Variants in ZDHHC4 observed in about 807,000 individuals in gnomAD.
ZDHHC4 encodes zDHHC palmitoyltransferase 4.
ZDHHC4 carries 42 observed loss-of-function variants against 36.7 expected under a neutral mutation model. The ratio of observed to expected loss-of-function variants is 1.14; its 90% confidence interval spans 0.89 to 1.48. The LOEUF is 1.48. Ranked by LOEUF, ZDHHC4 falls within the 40% of genes most tolerant of loss-of-function variation. The pLI is 0.00. For synonymous variants in ZDHHC4, 189 were observed against 166.6 expected (o/e 1.13, Z -1.03); for missense variants, 457 against 421.5 (o/e 1.08, Z -0.74).
chr7:6,582,591 C>T (rs1342836181), intron 5 of ZDHHC4, among the ~76,000 whole-genome samples: 2 of 152,260 alleles, frequency 1.3e-5, no homozygotes, highest in African/African-American at 4.8e-5. Context: ...GATCTCAGCT[C>T]GCTGCAACCT....
intron 6 of ZDHHC4, 54 bp downstream of exon 6, chr7:6,583,485 T>C: frequency 6.4e-7 from 1 of 1,569,060 alleles, no homozygotes; most frequent in South Asian, 1.2e-5. Flanking sequence ...ATGTGTGGGC[T>C]TCGTCTGTGA....
intron 7 of ZDHHC4, 46 bp downstream of exon 7, chr7:6,585,306 A>G: frequency 1.9e-6 from 3 of 1,594,034 alleles, no homozygotes; most frequent in South Asian, 1.1e-5. Context: ...GAATCGCAAA[A>G]AAGACATTTA....
In ZDHHC4 at chr7:6,581,644, C is replaced by T; in HGVS notation, c.155C>T (p.Ala52Val). 2 of 1,611,694 alleles carry T rather than the reference C, an allele frequency of 1.2e-6. No individual in the cohort carries two copies. Among genetic ancestry groups the T allele is most frequent in the Non-Finnish European group, 1.7e-6 (2 of 1,178,120 alleles). Residue 52 changes from alanine (A) to valine (V), a missense_variant, in exon 4 of 8, where the codon GCC (alanine) becomes GTC (valine). Coordinates refer to ENST00000335965, the MANE Select transcript of ZDHHC4 (RefSeq NM_001134389.2). ...ATAATTCCAGAATGTCTTCAGAGAG[C>T]CGTGCATGGATTGCTTCATTACCTT... Reference protein sequence around the residue: ...SCIIPECLQRAVHGLLHYLFH... With the variant: ...SCIIPECLQRVVHGLLHYLFH...
intron 1 of ZDHHC4, 34 bp from the exon 2 acceptor site, chr7:6,578,532 C>G (rs1032681598): frequency 2.0e-5 from 3 of 152,228 alleles, no homozygotes; most frequent in Non-Finnish European, 4.4e-5. Flanking sequence ...CTCTTGTCGT[C>G]TTATGTGGGT....
Position 6,585,277 on chromosome 7 carries a change from T to C in ZDHHC4, c.741+17T>C. 6.2e-7 allele frequency: 1 copy of C among 1,600,518 alleles called. No homozygotes were observed. Among genetic ancestry groups the C allele is most frequent in the East Asian group, 2.2e-5 (1 of 44,618 alleles). On this transcript the variant is annotated intron_variant, in intron 7 of 7. Coordinates refer to ENST00000335965, the MANE Select transcript of ZDHHC4 (RefSeq NM_001134389.2). Reference sequence around the variant, plus strand: ...CTTATTCAGGTAATTATGCTGTAGGTTTCTGACTTCAAGTTTCAGAATCGC... The same window carrying C: ...CTTATTCAGGTAATTATGCTGTAGGCTTCTGACTTCAAGTTTCAGAATCGC...
At chr7:6,583,682 CCCA>C (rs1781029071) in intron 6 of ZDHHC4, 2 of 397,988 alleles carry the variant, frequency 5.0e-6, no homozygotes, top group Non-Finnish European at 8.8e-6. Context: ...GGACATGCTC[CCCA>C]CAAGTTGTTT....
chr7:6,581,126 A>G (rs4605951), intron 3 of ZDHHC4: 190,833 of 227,500 alleles, frequency 0.84, 81,701 homozygotes, highest in African/African-American at 0.96. Context: ...CGCCTGGGGC[A>G]CTTAATGGGT....
intron 6 of ZDHHC4, 189 bp from the exon 7 acceptor site, chr7:6,584,826 CA>C (rs1360353997): frequency 4.1e-6 from 3 of 727,112 alleles, no homozygotes; most frequent in East Asian, 2.8e-5. Flanking sequence ...TGCAAGTGCT[CA>C]ATACCCACAT....
At chr7:6,581,830 T>C in intron 4 of ZDHHC4, 150 bp downstream of exon 4, 1 of 769,192 alleles carries the variant, frequency 1.3e-6, no homozygotes, top group East Asian at 2.7e-5. Context: ...GTTGGGAGCC[T>C]CTACTCGTAG....
intron 7 of ZDHHC4, among the ~76,000 whole-genome samples, chr7:6,586,659 A>T (rs547396392): frequency 6.6e-6 from 1 of 152,184 alleles, no homozygotes; most frequent in Non-Finnish European, 1.5e-5. Context: ...TAATTTTAGC[A>T]GAGAAGGGGT....
chr7:6,582,475 C>T (rs981112336), intron 5 of ZDHHC4, among the ~76,000 whole-genome samples: 3 of 151,900 alleles, frequency 2.0e-5, no homozygotes, highest in African/African-American at 7.3e-5. Context: ...AATGCTTTCA[C>T]TTCGTTTTGT....
In ZDHHC4 at chr7:6,588,955, CAT is replaced by C; in HGVS notation, c.*46_*47del. ...GAGCTGTAGTTCCCGTTTATTTACA[CAT>C]GTGGATCCTCGTTTTCCAAGCATGG... On this transcript the variant is annotated 3_prime_UTR_variant, in exon 8 of 8. Coordinates refer to ENST00000335965, the MANE Select transcript of ZDHHC4 (RefSeq NM_001134389.2). The C allele has an allele frequency of 6.4e-7, 1 of 1,565,802 alleles. No individual in the cohort carries two copies. Among genetic ancestry groups the C allele is most frequent in the East Asian group, 2.3e-5 (1 of 44,110 alleles).
At chr7:6,578,027 A>G (rs1780560913) in intron 1 of ZDHHC4, among the ~76,000 whole-genome samples, 1 of 152,056 alleles carries the variant, frequency 6.6e-6, no homozygotes, top group African/African-American at 2.4e-5. Flanking sequence ...GACGGATTTC[A>G]CCATGTTGGT....
chr7:6,583,196 A>G, intron 5 of ZDHHC4, 110 bp from the exon 6 acceptor site: 1 of 1,232,362 alleles, frequency 8.1e-7, no homozygotes. Flanking sequence ...AAAAAGAATT[A>G]CTTACGATAT....
At chr7:6,588,080 G>C (rs770489736) in intron 7 of ZDHHC4, among the ~76,000 whole-genome samples, 4 of 152,108 alleles carry the variant, frequency 2.6e-5, no homozygotes, top group African/African-American at 7.2e-5. Context: ...GGCCAGGCTG[G>C]TGTCAAACTC....
chr7:6,578,461 G>T (rs1780600666), intron 1 of ZDHHC4, 105 bp from the exon 2 acceptor site: 1 of 152,206 alleles, frequency 6.6e-6, no homozygotes, highest in Non-Finnish European at 1.5e-5. Context: ...TTCATGCTGG[G>T]GGTGCTGAAA....
chr7:6,582,796 G>A lies in ZDHHC4; in HGVS notation c.371-510G>A, dbSNP rs559622276. Among the ~76,000 whole-genome samples the A allele has an allele frequency of 1.5e-4, 23 of 152,262 alleles. No individual in the cohort carries two copies. The South Asian group carries it at 4.1e-3, about 27-fold the overall frequency. On this transcript the variant is annotated intron_variant, in intron 5 of 7. Transcript: ENST00000335965. ...CTCCCAAAGTGCTGAGACTACAGGC[G>A]TGAGCCACCGCACTGGCAGAATTGT...
Position 6,588,865 on chromosome 7 carries a change from C to G in ZDHHC4, c.990C>G (p.Ile330Met), listed in dbSNP as rs532601452. 3 of 1,611,682 alleles carry G rather than the reference C, an allele frequency of 1.9e-6. No homozygotes were observed. In the East Asian group the frequency reaches 6.7e-5, roughly 36 times the overall value. The change falls in exon 8 of 8, where the codon ATC (isoleucine) becomes ATG (methionine). Residue 330 changes from isoleucine to methionine, a missense_variant. By Grantham distance (10) the Ile-to-Met change is conservative. Transcript: ENST00000335965. ...GGCTTCGGAGCAACCTTCAAGAGATCTTTCTACCTGCCTTTCCATGTCATG... is the reference window on the plus strand; with the variant it reads ...GGCTTCGGAGCAACCTTCAAGAGATGTTTCTACCTGCCTTTCCATGTCATG... ...SHGLRSNLQE[I>M]FLPAFPCHER...
intron 7 of ZDHHC4, among the ~76,000 whole-genome samples, chr7:6,587,942 T>G (rs2115197151): frequency 6.6e-6 from 1 of 152,330 alleles, no homozygotes; most frequent in East Asian, 1.9e-4. Context: ...CTCAGCTCAC[T>G]GTAACCTTCA....
Sources: allele counts gnomAD v4.1 joint callset (sites outside exome capture counted in the v4.1 genomes callset), GRCh38; gene constraint gnomAD v4.1.1; transcripts MANE v1.5; gene names NCBI Gene and HGNC (gene_info 2026-07-23, HGNC 2026-07-21).